The following ADAMTS6 variants were observed in gnomAD, a reference collection of about 807,000 sequenced individuals.
ADAMTS6 encodes the protein A disintegrin and metalloproteinase with thrombospondin motifs 6.
In ADAMTS6, 23 loss-of-function variants were observed where a neutral mutation model predicts 144.3. The ratio of observed to expected loss-of-function variants is 0.16; its 90% CI spans 0.11 to 0.23. ADAMTS6 has a LOEUF of 0.23. Among genes scored for constraint, ADAMTS6 ranks in the 10% least tolerant of loss-of-function variants. The pLI is 1.00. For synonymous variants in ADAMTS6, 444 were observed against 457.5 expected (o/e 0.97, Z 0.38); for missense variants, 999 against 1,379.6 (o/e 0.72, Z 4.37).
chr5:65,233,068 C>T (rs1758386422), intron 15 of ADAMTS6, among the ~76,000 whole-genome samples: 1 of 152,032 alleles, frequency 6.6e-6, no homozygotes. Flanking sequence ...CACTGTAATA[C>T]ACCATATTAA....
At chr5:65,413,488 TA>T (rs1291950427) in intron 7 of ADAMTS6, among the ~76,000 whole-genome samples, 1 of 152,140 alleles carries the variant, frequency 6.6e-6, no homozygotes, top group Non-Finnish European at 1.5e-5. Flanking sequence ...ATTCAATATT[TA>T]AAATATGACT....
At chr5:65,423,471 G>T (rs555868760) in intron 7 of ADAMTS6, among the ~76,000 whole-genome samples, 70 of 152,204 alleles carry the variant, frequency 4.6e-4, no homozygotes, top group African/African-American at 1.6e-3. Context: ...CCCAACTAAT[G>T]TAGTAGATGG....
rs1561453105 is a variant in ADAMTS6 at position 65,350,766 on chromosome 5, A to G, written c.1074-16681T>C. On this transcript the variant is annotated intron_variant, in intron 7 of 24. Transcript: ENST00000381055. ...CCTTCTGGGTTCAAGCAATTCTCCT[A>G]CCTCAGCCTCCTGAGTAGATGGGAT... Among the ~76,000 whole-genome samples, 3 of 151,846 alleles carry G rather than the reference A, an allele frequency of 2.0e-5. No homozygotes were observed. The East Asian group carries it at 5.8e-4, about 29-fold the overall frequency.
chr5:65,185,212 C>T (rs1378793608), intron 22 of ADAMTS6, among the ~76,000 whole-genome samples: 3 of 152,164 alleles, frequency 2.0e-5, no homozygotes, highest in Non-Finnish European at 4.4e-5. Flanking sequence ...ATCTATTTAA[C>T]GTTATTTATT....
In ADAMTS6 at chr5:65,204,596, A is replaced by G. The variant is rs547726946; in HGVS notation, c.2576-7445T>C. Among the ~76,000 whole-genome samples the G allele has an allele frequency of 2.0e-5, 3 of 152,330 alleles. No individual in the cohort carries two copies. In the East Asian group the frequency reaches 5.8e-4, roughly 29 times the overall value. On this transcript the variant is annotated intron_variant, in intron 20 of 24. Transcript: ENST00000381055. ...GGGAGAGAGTGAATAGGGGGATGTC[A>G]TGGTTAATGCAGTGACAGACCATTG...
chr5:65,239,582 T>C (rs1758990206), intron 15 of ADAMTS6, among the ~76,000 whole-genome samples: 1 of 152,034 alleles, frequency 6.6e-6, no homozygotes, highest in Non-Finnish European at 1.5e-5. Flanking sequence ...AATTAAAAGC[T>C]TATATGGATA....
intron 7 of ADAMTS6, 121 bp downstream of exon 7, chr5:65,451,354 T>TA (rs1238456978): frequency 9.3e-7 from 1 of 1,073,492 alleles, no homozygotes; most frequent in African/African-American, 1.6e-5. Context: ...TAGTGAAAAA[T>TA]AAATTACCAT....
intron 7 of ADAMTS6, among the ~76,000 whole-genome samples, chr5:65,339,486 A>T (rs959614403): frequency 2.6e-5 from 4 of 151,954 alleles, no homozygotes; most frequent in African/African-American, 9.7e-5. Context: ...CCACAAAGAA[A>T]AACAATAATT....
intron 3 of ADAMTS6, among the ~76,000 whole-genome samples, chr5:65,469,523 AAAAT>A (rs1455680046): frequency 6.6e-6 from 1 of 152,266 alleles, no homozygotes; most frequent in Admixed American, 6.5e-5. Context: ...TTTATTTAAA[AAAAT>A]AAATCTGTTT....
intron 14 of ADAMTS6, among the ~76,000 whole-genome samples, chr5:65,246,538 T>G (rs7701134): frequency 0.29 from 44,596 of 151,972 alleles, 8,393 homozygotes; most frequent in African/African-American, 0.54. Flanking sequence ...GAGGGAAGTT[T>G]TTTTAAACAG....
At chr5:65,474,865 G>T (rs964783034) in intron 1 of ADAMTS6, among the ~76,000 whole-genome samples, 1 of 150,612 alleles carries the variant, frequency 6.6e-6, no homozygotes, top group Non-Finnish European at 1.5e-5. Flanking sequence ...AATATAGTTT[G>T]GGGTAGAGGC....
chr5:65,247,767 C>T (rs1170560031), intron 14 of ADAMTS6, among the ~76,000 whole-genome samples: 2 of 152,200 alleles, frequency 1.3e-5, no homozygotes, highest in East Asian at 3.9e-4. Context: ...CAAAACTGGT[C>T]TTCTGTTCAT....
intron 9 of ADAMTS6, among the ~76,000 whole-genome samples, chr5:65,312,182 G>A (rs35190823): frequency 1.3e-3 from 191 of 151,966 alleles, no homozygotes; most frequent in Non-Finnish European, 2.3e-3. Context: ...TCTTTAAGAA[G>A]CAACTTTTTA....
At chr5:65,360,828 A>C (rs1159171236) in intron 7 of ADAMTS6, among the ~76,000 whole-genome samples, 1 of 152,222 alleles carries the variant, frequency 6.6e-6, no homozygotes, top group African/African-American at 2.4e-5. Flanking sequence ...TTCTTAAAAC[A>C]ACCCCAAACT....
intron 10 of ADAMTS6, among the ~76,000 whole-genome samples, chr5:65,293,973 A>T (rs1238195703): frequency 1.3e-5 from 2 of 152,242 alleles, no homozygotes; most frequent in South Asian, 2.1e-4. Flanking sequence ...ATTTAGAAAC[A>T]TGGAATAAAC....
chr5:65,321,625 C>A (rs570531422), intron 9 of ADAMTS6, among the ~76,000 whole-genome samples: 1 of 151,304 alleles, frequency 6.6e-6, no homozygotes, highest in Non-Finnish European at 1.5e-5. Context: ...ATGTCTATGT[C>A]CTGAATTGTA....
In ADAMTS6 at chr5:65,214,870, A is replaced by G; in HGVS notation, c.2499T>C (p.Thr833=). The change falls in exon 20 of 25, where the codon ACT becomes ACC. Residue 833 remains threonine (T), a synonymous_variant. Transcript: ENST00000381055. The surrounding 1 kb of genome is among the most constrained non-coding windows in gnomAD (Gnocchi z 4.6). The stretch of plus-strand genomic sequence containing the variant: ...AGCCAACTTCATTATCTCCACTGCC[A>G]GTTCGAGTGATGGGAACATTGAACT... ...RYKFNVPITR[T]GSGDNEVGFT... is the part of the protein sequence containing the mutation. The G allele has an allele frequency of 6.2e-7, 1 of 1,614,178 alleles. No individual in the cohort carries two copies. The highest frequency in any genetic ancestry group is 8.5e-7 in the Non-Finnish European group (1 of 1,180,012).
intron 7 of ADAMTS6, among the ~76,000 whole-genome samples, chr5:65,354,104 C>G (rs2150093876): frequency 6.6e-6 from 1 of 151,902 alleles, no homozygotes; most frequent in East Asian, 1.9e-4. Flanking sequence ...CATTTTATGC[C>G]TACTCTTCTG....
chr5:65,273,401 A>C lies in ADAMTS6; in HGVS notation c.1559T>G (p.Val520Gly), dbSNP rs758216181. 1.2e-6 allele frequency: 2 copies of C among 1,614,018 alleles called. No homozygotes were observed. The highest frequency in any genetic ancestry group is 3.3e-5 in the Admixed American group (2 of 60,016). ...CTCAGCTGCTGGAATACTGTTGGTG[A>C]CACAGCGGTTGCTTTTGCTGAGACA... The part of the protein sequence containing the change: ...LWCLSKSNRC[V>G]TNSIPAAEGT... The change falls in exon 12 of 25, where the codon GTC becomes GGC. Residue 520 changes from valine to glycine, a missense_variant. Transcript: ENST00000381055.
Sources: allele counts gnomAD v4.1 joint callset (sites outside exome capture counted in the v4.1 genomes callset), GRCh38; gene constraint gnomAD v4.1.1; non-coding constraint Gnocchi (gnomAD v3.1); transcripts MANE v1.5; gene names NCBI Gene and HGNC (gene_info 2026-07-23, HGNC 2026-07-21).